CELF2: variants seen among roughly 807,000 people sequenced by gnomAD.
CELF2 encodes the protein CUGBP Elav-like family member 2.
A neutral mutation model predicts 62.6 loss-of-function variants in CELF2; 8 were observed. The ratio of observed to expected loss-of-function variants is 0.13; its 90% confidence interval spans 0.07 to 0.23. The LOEUF is 0.23. CELF2 is among the 10% of genes least tolerant of loss of function. CELF2 has a pLI of 1.00. For synonymous variants in CELF2, 258 were observed against 250.0 expected (o/e 1.03, Z -0.30); for missense variants, 333 against 671.0 (o/e 0.50, Z 5.56).
the CELF2 span, among the ~76,000 whole-genome samples, chr10:10,774,048 T>C: frequency 6.6e-6 from 1 of 152,216 alleles, no homozygotes; most frequent in Non-Finnish European, 1.5e-5. Flanking sequence ...GCCAAGATTG[T>C]TGCTGCTGGA....
At chr10:10,549,543 C>T in the CELF2 span, among the ~76,000 whole-genome samples, 14 of 152,358 alleles carry the variant, frequency 9.2e-5, no homozygotes, top group South Asian at 2.9e-3. Context: ...CTTGGCCTCA[C>T]AATGTGCTGG....
chr10:11,026,430 T>C (rs2059222926), intron 1 of CELF2, among the ~76,000 whole-genome samples: 1 of 152,156 alleles, frequency 6.6e-6, no homozygotes, highest in Admixed American at 6.5e-5. Flanking sequence ...GGGGAAGACA[T>C]TGGGTATCAA....
intron 1 of CELF2, among the ~76,000 whole-genome samples, chr10:11,033,245 A>T (rs1192886951): frequency 7.0e-6 from 1 of 143,396 alleles, no homozygotes; most frequent in East Asian, 2.2e-4. Context: ...ATACTGTCTC[A>T]ATGTTCAGGG....
chr10:10,787,911 G>A, the CELF2 span, among the ~76,000 whole-genome samples: 1 of 151,992 alleles, frequency 6.6e-6, no homozygotes, highest in Admixed American at 6.6e-5. Context: ...AAGCCATGCC[G>A]GTTCAAATCA....
At chr10:11,103,405 A>G (rs1003811622) in intron 1 of CELF2, among the ~76,000 whole-genome samples, 2 of 148,874 alleles carry the variant, frequency 1.3e-5, no homozygotes, top group East Asian at 2.0e-4. Context: ...TTTTATTAAC[A>G]TTTTACAAGA....
intron 2 of CELF2, among the ~76,000 whole-genome samples, chr10:11,213,483 T>G (rs1318373365): frequency 6.6e-6 from 1 of 152,302 alleles, no homozygotes; most frequent in East Asian, 1.9e-4. Flanking sequence ...GCCTTCGTGG[T>G]TTTTCAGGGA....
rs529309003 is a variant in CELF2, at chr10:11,042,518, G to T, written c.74+24355G>T. Among the ~76,000 whole-genome samples the T allele has an allele frequency of 2.3e-3, 349 of 152,308 alleles. 1 individual carries two copies. Among genetic ancestry groups the T allele is most frequent in the Non-Finnish European group, 3.8e-3 (260 of 68,012 alleles). On this transcript the variant is annotated intron_variant, in intron 1 of 12. Transcript: ENST00000633077. ...GTCTTTTCTTTTTATCTGAGAAGCT[G>T]TGCCTGACTGTGGCTGTCTTTCACA...
chr10:10,532,893 A>G, the CELF2 span, among the ~76,000 whole-genome samples: 1 of 148,998 alleles, frequency 6.7e-6, no homozygotes, highest in Non-Finnish European at 1.5e-5. Context: ...TCTCAAAAAA[A>G]AAAAAAAATA....
rs542181392 is a variant in CELF2, at chr10:11,242,444, G to A, written c.355-6709G>A. On this transcript the variant is annotated intron_variant, in intron 3 of 12. Transcript: ENST00000633077. This position sits in a 1 kb window ranked among gnomAD's most constrained non-coding sequence, Gnocchi z 4.8. ...TCCCTTCCTACAGCAGAGACCCACCGAGGCAGAGGGCTTCAGAGAGCCCCA... is the reference window on the plus strand; with the variant it reads ...TCCCTTCCTACAGCAGAGACCCACCAAGGCAGAGGGCTTCAGAGAGCCCCA... 1.2e-3 allele frequency among the ~76,000 whole-genome samples: 187 copies of A among 152,188 alleles called. 2 individuals are homozygous for A. The highest frequency in any genetic ancestry group is 4.3e-3 in the African/African-American group (179 of 41,518).
chr10:10,500,743 A>C, the CELF2 span, among the ~76,000 whole-genome samples: 1 of 152,212 alleles, frequency 6.6e-6, no homozygotes, highest in Admixed American at 6.5e-5. Flanking sequence ...GTACATTTGC[A>C]TCATGAAGAA....
At chr10:10,974,059 T>G (rs1238574768) in intron 2 of CELF2, among the ~76,000 whole-genome samples, 1 of 152,218 alleles carries the variant, frequency 6.6e-6, no homozygotes, top group African/African-American at 2.4e-5. Context: ...TATACCAGAA[T>G]CTCAGCTCTC....
Position 10,983,252 on chromosome 10 carries a change from T to C in CELF2, c.89+63253T>C, listed in dbSNP as rs1184797146. 1.3e-5 allele frequency among the ~76,000 whole-genome samples: 2 copies of C among 152,214 alleles called. No homozygotes were observed. The highest frequency in any genetic ancestry group is 2.9e-5 in the Non-Finnish European group (2 of 68,032). ...TGTATTTTAAACATTTTTACTTAAA[T>C]ACCACACATGTCCACATAGCATTAT... On this transcript the variant is annotated intron_variant, in intron 2 of 13. Transcript: ENST00000636488. This position sits in a 1 kb window ranked among gnomAD's most constrained non-coding sequence, Gnocchi z 5.2.
At chr10:11,009,812 T>C (rs2137355648) in intron 1 of CELF2, among the ~76,000 whole-genome samples, 1 of 152,318 alleles carries the variant, frequency 6.6e-6, no homozygotes, top group South Asian at 2.1e-4. Context: ...AACTTTGTTG[T>C]CATGGAAAGG....
At chr10:10,581,816 T>G in the CELF2 span, among the ~76,000 whole-genome samples, 1 of 152,114 alleles carries the variant, frequency 6.6e-6, no homozygotes, top group African/African-American at 2.4e-5. Flanking sequence ...GATCACGAGG[T>G]CAGGTGTTTG....
At chr10:10,621,622 C>T in the CELF2 span, among the ~76,000 whole-genome samples, 1 of 152,138 alleles carries the variant, frequency 6.6e-6, no homozygotes, top group Non-Finnish European at 1.5e-5. Flanking sequence ...ATAAGACATT[C>T]AGGAAACAGG....
rs115660335 is a variant in CELF2 at position 11,247,429 on chromosome 10, C to G, written c.355-1724C>G. On this transcript the variant is annotated intron_variant, in intron 3 of 12. Coordinates refer to ENST00000633077, the MANE Select transcript of CELF2 (RefSeq NM_001326342.2). This position sits in a 1 kb window ranked among gnomAD's most constrained non-coding sequence, Gnocchi z 5.4. ...GTGCTCGCACGTCCAAGGACTCGGC[C>G]CAGATGCAGCCTTGGCTTTCCTCGC... Among the ~76,000 whole-genome samples, 1,601 of 152,330 alleles carry G rather than the reference C, an allele frequency of 0.011. 35 individuals carry two copies. Among genetic ancestry groups the G allele is most frequent in the African/African-American group, 0.037 (1,534 of 41,572 alleles).
chr10:10,607,095 A>G, the CELF2 span, among the ~76,000 whole-genome samples: 1 of 152,236 alleles, frequency 6.6e-6, no homozygotes, highest in East Asian at 1.9e-4. Context: ...TTTAATGCTA[A>G]TAGCTGATCC....
intron 1 of CELF2, among the ~76,000 whole-genome samples, chr10:11,154,400 G>A (rs1328362879): frequency 2.6e-5 from 4 of 152,220 alleles, no homozygotes; most frequent in Non-Finnish European, 5.9e-5. Context: ...TTAAAAACTA[G>A]CGAAGTAGAA....
At chr10:10,830,597 C>G (rs2057769483) in intron 1 of CELF2, among the ~76,000 whole-genome samples, 1 of 152,044 alleles carries the variant, frequency 6.6e-6, no homozygotes, top group Non-Finnish European at 1.5e-5. Flanking sequence ...CTTCCTACTG[C>G]TTACCCTGTG....
Sources: allele counts gnomAD v4.1 joint callset (sites outside exome capture counted in the v4.1 genomes callset), GRCh38; gene constraint gnomAD v4.1.1; non-coding constraint Gnocchi (gnomAD v3.1); transcripts MANE v1.5; gene names NCBI Gene and HGNC (gene_info 2026-07-23, HGNC 2026-07-21).